The following IFT52 variants were observed in gnomAD, a reference collection of about 807,000 sequenced individuals.
IFT52 encodes intraflagellar transport protein 52 homolog.
Under a neutral mutation model 54.4 loss-of-function variants are expected in IFT52, and 44 were observed. The ratio of observed to expected loss-of-function variants is 0.81; its 90% confidence interval spans 0.63 to 1.04. IFT52 has a LOEUF of 1.04. Ranked by LOEUF, IFT52 falls within the 50% of genes least tolerant of loss-of-function variation. IFT52 has a pLI of 0.00. For synonymous variants in IFT52, 181 were observed against 185.3 expected, an observed-to-expected ratio of 0.98 and a Z score of 0.19; for missense variants, 452 against 523.6, an observed-to-expected ratio of 0.86 and a Z score of 1.33.
chr20:43,613,845 T>TA lies in IFT52; in HGVS notation c.486-4dup. ...ATTTGAATGTGTTTCTTTAATTTCT[T>TA]ACAGGGCTCTCACCTTTGTGTATCC... On this transcript the variant is annotated splice_polypyrimidine_tract_variant and splice_region_variant and intron_variant, in intron 6 of 13. Transcript: ENST00000373030. The TA allele has an allele frequency of 6.2e-7, 1 of 1,605,146 alleles. No homozygotes were observed. Among genetic ancestry groups the TA allele is most frequent in the Non-Finnish European group, 8.5e-7 (1 of 1,177,674 alleles).
chr20:43,604,069 G>A (rs1359188118), intron 4 of IFT52, 114 bp from the exon 5 acceptor site: 16 of 987,688 alleles, frequency 1.6e-5, no homozygotes, highest in African/African-American at 3.3e-5. Flanking sequence ...TTTATAAAGC[G>A]AGATGGATTG....
At chr20:43,607,010 G>A (rs897094502) in intron 6 of IFT52, among the ~76,000 whole-genome samples, 7 of 152,186 alleles carry the variant, frequency 4.6e-5, no homozygotes, top group East Asian at 1.9e-4. Context: ...GCAACCATCC[G>A]ATTTCTCAAT....
chr20:43,643,192 CAAAA>C (rs1265564639), intron 13 of IFT52, among the ~76,000 whole-genome samples: 1 of 129,634 alleles, frequency 7.7e-6, no homozygotes, highest in African/African-American at 2.9e-5. Context: ...CAAAACAAAA[CAAAA>C]AAAAAACAGC....
At chr20:43,600,753 C>T (rs1014941996) in intron 3 of IFT52, among the ~76,000 whole-genome samples, 5 of 152,010 alleles carry the variant, frequency 3.3e-5, no homozygotes, top group Non-Finnish European at 5.9e-5. Flanking sequence ...GGTGGAACAC[C>T]AGACGTCAGG....
chr20:43,618,862 C>T, intron 7 of IFT52, 78 bp from the exon 8 acceptor site: 1 of 903,794 alleles, frequency 1.1e-6, no homozygotes, highest in Non-Finnish European at 1.8e-6. Flanking sequence ...TAGCATGATT[C>T]TAATAAGTGT....
intron 6 of IFT52, among the ~76,000 whole-genome samples, chr20:43,609,312 C>A (rs1312551280): frequency 6.6e-6 from 1 of 151,994 alleles, no homozygotes; most frequent in African/African-American, 2.4e-5. Context: ...TAAAATTAGA[C>A]CAAAAACATA....
intron 10 of IFT52, among the ~76,000 whole-genome samples, chr20:43,624,718 T>G (rs1984591920): frequency 6.6e-6 from 1 of 152,110 alleles, no homozygotes; most frequent in Non-Finnish European, 1.5e-5. Context: ...GGCAGCATCC[T>G]GAAGGCAAAG....
chr20:43,615,192 A>G (rs373415888), intron 7 of IFT52, among the ~76,000 whole-genome samples: 17 of 151,680 alleles, frequency 1.1e-4, no homozygotes, highest in South Asian at 6.2e-4. Flanking sequence ...ACAGGCCTGC[A>G]CCACCACACC....
At chr20:43,592,351 G>T (rs1010036683) in intron 1 of IFT52, among the ~76,000 whole-genome samples, 3 of 151,840 alleles carry the variant, frequency 2.0e-5, no homozygotes, top group African/African-American at 7.3e-5. Context: ...AAAAAAAAAG[G>T]AATGAAGCCC....
At chr20:43,612,452 G>A (rs897774217) in intron 6 of IFT52, among the ~76,000 whole-genome samples, 5 of 152,038 alleles carry the variant, frequency 3.3e-5, no homozygotes, top group African/African-American at 9.7e-5. Context: ...CAGCACTTTC[G>A]GAGGTCAAGG....
At chr20:43,608,196 G>A (rs1270209167) in intron 6 of IFT52, among the ~76,000 whole-genome samples, 4 of 152,108 alleles carry the variant, frequency 2.6e-5, no homozygotes, top group African/African-American at 4.8e-5. Context: ...GGGAGTGGGA[G>A]TATTTTTTAG....
At position 43,605,210 on chromosome 20, in the gene IFT52, C is replaced by G. The variant is rs549964129; in HGVS notation, c.485+137C>G. The G allele has an allele frequency of 1.1e-5, 16 of 1,456,574 alleles. No individual in the cohort carries two copies. In the South Asian group the frequency reaches 1.6e-4, roughly 14 times the overall value. The allele number at this position is 1,456,574 out of a possible 1,614,324, so 90.2% of individuals were successfully genotyped here. On this transcript the variant is annotated intron_variant, in intron 6 of 13. Coordinates refer to ENST00000373030, the MANE Select transcript of IFT52 (RefSeq NM_016004.5). ...GTTCAAGAGGAAAAAAGTAGAAGCT[C>G]TGCACTGTAAGTCCATGCTCCTCCC...
At chr20:43,625,676 C>T (rs1274826682) in intron 10 of IFT52, among the ~76,000 whole-genome samples, 1 of 152,092 alleles carries the variant, frequency 6.6e-6, no homozygotes, top group Non-Finnish European at 1.5e-5. Context: ...CTGATACATT[C>T]AAGGAAGAGC....
chr20:43,593,660 CT>C (rs1397047162), intron 1 of IFT52, among the ~76,000 whole-genome samples: 3 of 152,138 alleles, frequency 2.0e-5, no homozygotes, highest in Admixed American at 1.3e-4. Context: ...GCCTTAACCT[CT>C]TGGGCTCAAG....
chr20:43,596,435 C>A lies in IFT52; in HGVS notation c.120C>A (p.Ser40Arg). 1 of 1,572,788 alleles carries A rather than the reference C, an allele frequency of 6.4e-7. No homozygotes were observed. Among genetic ancestry groups the A allele is most frequent in the Non-Finnish European group, 8.7e-7 (1 of 1,150,458 alleles). Reference protein sequence around the residue: ...KKLRSNWKIQSLKDEITSEKL... With the variant: ...KKLRSNWKIQRLKDEITSEKL... Reference sequence around the variant, plus strand: ...TTTGCTTTTAAAATTGTATTTCCAGCTTAAAAGATGAAATCACATCTGAGA... The same window carrying A: ...TTTGCTTTTAAAATTGTATTTCCAGATTAAAAGATGAAATCACATCTGAGA... The change falls in exon 3 of 14, where the codon AGC becomes AGA. Residue 40 changes from serine to arginine, a missense_variant and splice_region_variant. Physicochemically the swap from Ser to Arg is moderately radical, Grantham distance 110. Coordinates refer to ENST00000373030, the MANE Select transcript of IFT52 (RefSeq NM_016004.5).
At position 43,647,130 on chromosome 20, in the gene IFT52, G is replaced by A; in HGVS notation, c.*147G>A. On this transcript the variant is annotated 3_prime_UTR_variant, in exon 14 of 14. Coordinates refer to ENST00000373030, the MANE Select transcript of IFT52 (RefSeq NM_016004.5). ...GTATATGCATCTTCTGTAATACTCA[G>A]ATAGGTATAAGATTTTTCACAAAAT... 1 of 685,502 alleles carries A rather than the reference G, an allele frequency of 1.5e-6. No homozygotes were observed. The highest frequency in any genetic ancestry group is 2.6e-6 in the Non-Finnish European group (1 of 389,746). 42.5% of individuals were successfully genotyped at this position (685,502 alleles called of 1,614,324 possible).
intron 6 of IFT52, among the ~76,000 whole-genome samples, chr20:43,609,904 G>A (rs747179204): frequency 6.2e-4 from 90 of 145,854 alleles, no homozygotes; most frequent in Non-Finnish European, 1.1e-3. Context: ...AGCCAAAATC[G>A]CACCACTGCA....
chr20:43,604,178 C>CA lies in IFT52; in HGVS notation c.338-4dup. 6.3e-7 allele frequency: 1 copy of CA among 1,595,740 alleles called. No individual in the cohort carries two copies. Among genetic ancestry groups the CA allele is most frequent in the Non-Finnish European group, 8.6e-7 (1 of 1,163,748 alleles). On this transcript the variant is annotated splice_polypyrimidine_tract_variant and splice_region_variant and intron_variant, in intron 4 of 13. Transcript: ENST00000373030. ...AATATACCTCCTTCTCTTTTTCCCT[C>CA]ATAGATGCTGTGGTTAGAAATGTAT...
intron 7 of IFT52, 39 bp downstream of exon 7, chr20:43,614,015 T>TA (rs756360298): frequency 1.2e-5 from 19 of 1,550,918 alleles, no homozygotes; most frequent in Admixed American, 9.7e-5. Flanking sequence ...ATGTTATTTT[T>TA]ATTGTTGAAA....
Sources: allele counts gnomAD v4.1 joint callset (sites outside exome capture counted in the v4.1 genomes callset), GRCh38; gene constraint gnomAD v4.1.1; transcripts MANE v1.5; gene names NCBI Gene and HGNC (gene_info 2026-07-23, HGNC 2026-07-21).